The following PLEKHG4B variants were observed in gnomAD, a reference collection of about 807,000 sequenced individuals.
The protein encoded by PLEKHG4B is pleckstrin homology domain-containing family G member 4B.
A neutral mutation model predicts 121.3 loss-of-function variants in PLEKHG4B; 111 were observed. That is an observed-to-expected ratio of 0.92 (90% CI 0.78 to 1.07). The LOEUF is 1.07. Ranked by LOEUF, PLEKHG4B falls within the 50% of genes least tolerant of loss-of-function variation. PLEKHG4B has a pLI of 0.00. For synonymous variants in PLEKHG4B, 738 were observed against 725.0 expected, an observed-to-expected ratio of 1.02 and a Z score of -0.29; for missense variants, 1,831 against 1,757.8, an observed-to-expected ratio of 1.04 and a Z score of -0.74.
chr5:181,934 T>C (rs1380174226), intron 19 of PLEKHG4B, 70 bp from the exon 20 acceptor site: 1 of 1,525,796 alleles, frequency 6.6e-7, no homozygotes, highest in Non-Finnish European at 9.0e-7. Context: ...ACGGCTCTGA[T>C]CCCATTCCCG....
At position 185,145 on chromosome 5, in the gene PLEKHG4B, GAA is replaced by G. The variant is rs1461800234; in HGVS notation, c.*2824_*2825del. 2 of 152,160 alleles carry G rather than the reference GAA, an allele frequency of 1.3e-5. No homozygotes were observed. The highest frequency in any genetic ancestry group is 1.3e-4 in the Admixed American group (2 of 15,262). 9.4% of individuals were successfully genotyped at this position (152,160 alleles called of 1,614,324 possible). Reference sequence around the variant, plus strand: ...AAAATCCAGTCCAAAAATACGTAGAGAAAGAGGGAAAGGGAAGAATGGACTTG... The same window carrying G: ...AAAATCCAGTCCAAAAATACGTAGAGAGAGGGAAAGGGAAGAATGGACTTG... On this transcript the variant is annotated 3_prime_UTR_variant, in exon 20 of 20. Coordinates refer to ENST00000637938, the MANE Select transcript of PLEKHG4B (RefSeq NM_052909.5).
At chr5:150,383 G>T (rs893069833) in intron 6 of PLEKHG4B, among the ~76,000 whole-genome samples, 1 of 152,152 alleles carries the variant, frequency 6.6e-6, no homozygotes, top group Non-Finnish European at 1.5e-5. Flanking sequence ...TTTTACGGGT[G>T]CAGGGTTTTG....
Position 143,499 on chromosome 5 carries a change from C to A in PLEKHG4B, c.1807C>A (p.Pro603Thr). 6.2e-7 allele frequency: 1 copy of A among 1,612,748 alleles called. No homozygotes were observed. Among genetic ancestry groups the A allele is most frequent in the Non-Finnish European group, 8.5e-7 (1 of 1,179,944 alleles). Reference protein sequence around the residue: ...TRLLLYFHSIPRKEVRDLGLV... With the variant: ...TRLLLYFHSITRKEVRDLGLV... ...CCTGCTGCTGTACTTCCATAGCATC[C>A]CCAGGTGGGACGGGGGGCAAGGCCG... Residue 603 changes from proline to threonine, a missense_variant, in exon 5 of 20, where the codon CCC becomes ACC. Pro to Thr is a conservative substitution (Grantham distance 38). Coordinates refer to ENST00000637938, the MANE Select transcript of PLEKHG4B (RefSeq NM_052909.5).
intron 2 of PLEKHG4B, among the ~76,000 whole-genome samples, chr5:136,347 G>A (rs1734983989): frequency 6.6e-6 from 1 of 152,094 alleles, no homozygotes; most frequent in Admixed American, 6.6e-5. Context: ...GGGTACTATT[G>A]CATAAAAAGG....
rs1736755042 is a variant in PLEKHG4B at position 176,185 on chromosome 5, C to T, written c.4402+2087C>T. ...CCCGTGGGCTTCACCCCTGTGCAGC[C>T]CCCAACAGCAGTTACTTGGCCAGAG... On this transcript the variant is annotated intron_variant, in intron 18 of 19. Coordinates refer to ENST00000637938, the MANE Select transcript of PLEKHG4B (RefSeq NM_052909.5). Among the ~76,000 whole-genome samples the T allele has an allele frequency of 1.7e-5, 2 of 117,764 alleles. 1 individual carries two copies. Among genetic ancestry groups the T allele is most frequent in the East Asian group, 4.4e-4 (2 of 4,542 alleles). The allele number at this position is 117,764 out of a possible 152,430, so 77.3% of individuals were successfully genotyped here. A position where few individuals can be genotyped will look rare whatever the true frequency, so the allele number is the denominator to read the frequency against.
At chr5:122,709 C>T (rs769811919) in intron 2 of PLEKHG4B, among the ~76,000 whole-genome samples, 15 of 152,008 alleles carry the variant, frequency 9.9e-5, no homozygotes, top group Non-Finnish European at 1.9e-4. Context: ...CATGAGCCAC[C>T]GCACCTGGCC....
chr5:143,172 AC>A lies in PLEKHG4B; in HGVS notation c.1604del (p.Thr535LysfsTer58). On this transcript the variant is annotated frameshift_variant, in exon 4 of 20. Coordinates refer to ENST00000637938, the MANE Select transcript of PLEKHG4B (RefSeq NM_052909.5). LOFTEE classifies it high-confidence loss of function. ...CGAGCAAGAAGGGTGGCCACCCGGC[AC>A]AGGAGACTTCCCCAGCCAGGTGCCC... is the stretch of plus-strand genomic sequence containing the variant. ...HPEQEGWPPG[T>X]GDFPSQVPKQ... 1 of 1,612,118 alleles carries A rather than the reference AC, an allele frequency of 6.2e-7. No homozygotes were observed. Among genetic ancestry groups the A allele is most frequent in the Non-Finnish European group, 8.5e-7 (1 of 1,179,996 alleles).
chr5:125,331 T>C lies in PLEKHG4B; in HGVS notation c.243+11883T>C, dbSNP rs549380969. Among the ~76,000 whole-genome samples, 10 of 152,340 alleles carry C rather than the reference T, an allele frequency of 6.6e-5. No homozygotes were observed. In the South Asian group the frequency reaches 1.2e-3, roughly 19 times the overall value. ...GTAGTAAAAGTCTTAAATTCTTTCC[T>C]TGTTTCCTTTTGTGTACATTCTATA... On this transcript the variant is annotated intron_variant, in intron 2 of 19. Coordinates refer to ENST00000637938, the MANE Select transcript of PLEKHG4B (RefSeq NM_052909.5).
rs115023015 is a variant in PLEKHG4B at position 120,205 on chromosome 5, A to G, written c.243+6757A>G. On this transcript the variant is annotated intron_variant, in intron 2 of 19. Transcript: ENST00000637938. ...GAGATGGAAGCTGCAGTGAGCTCTG[A>G]TAGTACCACTGCACTTGGCCTGGGC... Among the ~76,000 whole-genome samples, 889 of 152,280 alleles carry G rather than the reference A, an allele frequency of 5.8e-3. 5 individuals are homozygous for G. The highest frequency in any genetic ancestry group is 0.017 in the African/African-American group (703 of 41,536).
intron 5 of PLEKHG4B, 114 bp downstream of exon 5, chr5:143,617 C>A: frequency 7.6e-7 from 1 of 1,313,518 alleles, no homozygotes; most frequent in Non-Finnish European, 1.1e-6. Context: ...CTCTGCCTCT[C>A]CTAACCTCAT....
intron 3 of PLEKHG4B, 65 bp from the exon 4 acceptor site, chr5:142,982 A>G: frequency 1.4e-6 from 2 of 1,447,650 alleles, no homozygotes; most frequent in Non-Finnish European, 1.9e-6. Context: ...CAAGCTGAGC[A>G]TAGCAGCTGC....
chr5:133,941 C>CACACACACACACACACACATATAT (rs34900477), intron 2 of PLEKHG4B, among the ~76,000 whole-genome samples: 1 of 146,354 alleles, frequency 6.8e-6, no homozygotes, highest in African/African-American at 2.6e-5. Flanking sequence ...CACACACACA[C>CACACACACACACACACACATATAT]ATATATATAT....
intron 2 of PLEKHG4B, among the ~76,000 whole-genome samples, chr5:134,937 C>A (rs1302438430): frequency 6.6e-6 from 1 of 151,972 alleles, no homozygotes; most frequent in African/African-American, 2.4e-5. Context: ...TGCCTATAAT[C>A]CCAGCACTTT....
At chr5:99,443 C>G (rs937304211) in intron 1 of PLEKHG4B, among the ~76,000 whole-genome samples, 3 of 151,730 alleles carry the variant, frequency 2.0e-5, no homozygotes, top group African/African-American at 7.3e-5. Context: ...TTTCAGCAAG[C>G]AAGTCTTTTA....
intron 1 of PLEKHG4B, among the ~76,000 whole-genome samples, chr5:98,549 C>T (rs1733695334): frequency 6.9e-6 from 1 of 144,406 alleles, no homozygotes; most frequent in Non-Finnish European, 1.5e-5. Flanking sequence ...ATTCTCCTGG[C>T]TCAGCCTCCC....
At chr5:153,258 A>G (rs1391948471) in intron 7 of PLEKHG4B, among the ~76,000 whole-genome samples, 1 of 152,072 alleles carries the variant, frequency 6.6e-6, no homozygotes, top group Non-Finnish European at 1.5e-5. Context: ...AATAATTCCA[A>G]CATCTGGGTC....
At chr5:126,067 T>C (rs542958136) in intron 2 of PLEKHG4B, among the ~76,000 whole-genome samples, 4 of 152,220 alleles carry the variant, frequency 2.6e-5, no homozygotes, top group Non-Finnish European at 5.9e-5. Context: ...ATAATGTGTT[T>C]TGGTGTGGGT....
chr5:120,044 C>T (rs950841201), intron 2 of PLEKHG4B, among the ~76,000 whole-genome samples: 1 of 152,144 alleles, frequency 6.6e-6, no homozygotes, highest in Admixed American at 6.5e-5. Flanking sequence ...CCCAGGAGTT[C>T]AGTAGCATCC....
chr5:168,605 G>A (rs548873330), intron 13 of PLEKHG4B, among the ~76,000 whole-genome samples: 7 of 152,330 alleles, frequency 4.6e-5, no homozygotes, highest in Non-Finnish European at 8.8e-5. Flanking sequence ...AGCTGGGAAC[G>A]AGAAACCTTA....
Sources: allele counts gnomAD v4.1 joint callset (sites outside exome capture counted in the v4.1 genomes callset), GRCh38; gene constraint gnomAD v4.1.1; transcripts MANE v1.5; gene names NCBI Gene and HGNC (gene_info 2026-07-23, HGNC 2026-07-21).